The following ANKS1B variants were observed in gnomAD, a reference collection of about 807,000 sequenced individuals.
ANKS1B encodes the protein ankyrin repeat and sterile alpha motif domain-containing protein 1B.
Under a neutral mutation model 148.3 loss-of-function variants are expected in ANKS1B, and 36 were observed. The observed-to-expected ratio is 0.24, with a 90% CI of 0.19 to 0.32. ANKS1B has a LOEUF of 0.32. Ranked by LOEUF, ANKS1B falls within the 10% of genes least tolerant of loss-of-function variation. The probability of loss-of-function intolerance (pLI) is 1.00; values close to 1 mark genes in which losing one functional copy is unlikely to be tolerated. For missense variants in ANKS1B, 1,157 were observed against 1,542.6 expected (o/e 0.75, Z 4.19); for synonymous variants, 542 against 560.8 (o/e 0.97, Z 0.47).
chr12:99,491,733 T>C (rs2096557491), intron 10 of ANKS1B, among the ~76,000 whole-genome samples: 1 of 152,164 alleles, frequency 6.6e-6, no homozygotes, highest in Non-Finnish European at 1.5e-5. Flanking sequence ...GATTACAGCC[T>C]CTAGCTCCAA....
chr12:99,051,455 T>C (rs2099966012), intron 17 of ANKS1B, among the ~76,000 whole-genome samples: 1 of 152,204 alleles, frequency 6.6e-6, no homozygotes, highest in Non-Finnish European at 1.5e-5. Context: ...CATTAACTAA[T>C]TAACTGGGAT....
At chr12:98,986,978 G>T (rs935810763) in intron 17 of ANKS1B, among the ~76,000 whole-genome samples, 1 of 151,856 alleles carries the variant, frequency 6.6e-6, no homozygotes, top group African/African-American at 2.4e-5. Context: ...TTTTACCTGG[G>T]CCATTCTTAA....
In ANKS1B at chr12:98,845,975, T is replaced by TAC. The variant is rs2099460474; in HGVS notation, c.2779-13840_2779-13839insGT. Among the ~76,000 whole-genome samples the TAC allele has an allele frequency of 4.1e-5, 4 of 98,602 alleles. No individual in the cohort carries two copies. The South Asian group carries it at 1.2e-3, about 30-fold the overall frequency. 64.7% of individuals were successfully genotyped at this position (98,602 alleles called of 152,430 possible). A position where few individuals can be genotyped will look rare whatever the true frequency, so the allele number is the denominator to read the frequency against. On this transcript the variant is annotated intron_variant, in intron 17 of 26. Transcript: ENST00000683438. ...CTTATTAGAATTCTTCATATATATA[T>TAC]ATATACACACACACACACACACACA...
chr12:98,972,442 T>C (rs1438270987), intron 17 of ANKS1B, among the ~76,000 whole-genome samples: 1 of 152,188 alleles, frequency 6.6e-6, no homozygotes, highest in Non-Finnish European at 1.5e-5. Context: ...CGTTTAACTC[T>C]CTTAACACCA....
chr12:98,780,322 G>A (rs1220075973), intron 24 of ANKS1B, among the ~76,000 whole-genome samples: 2 of 152,330 alleles, frequency 1.3e-5, no homozygotes, highest in African/African-American at 2.4e-5. Flanking sequence ...ACACATGAAC[G>A]TTTGGGGTTT....
intron 14 of ANKS1B, among the ~76,000 whole-genome samples, chr12:99,234,770 T>A (rs1201724129): frequency 1.3e-5 from 2 of 152,112 alleles, no homozygotes; most frequent in East Asian, 3.9e-4. Context: ...TGACTTTTTT[T>A]TTTTTTACCA....
chr12:99,801,063 C>T (rs75219876), intron 4 of ANKS1B, among the ~76,000 whole-genome samples: 1 of 152,102 alleles, frequency 6.6e-6, no homozygotes, highest in Admixed American at 6.6e-5. Flanking sequence ...TGACTTTGTA[C>T]TTCTTTCCAC....
At position 99,812,253 on chromosome 12, in the gene ANKS1B, C is replaced by T. The variant is rs2068466161; in HGVS notation, c.274G>A (p.Gly92Arg). ...GCAGCCAGGTGAATAGGAAAATACCCTTTGTTGTCTGCTACATTTGTTGAT... is the reference window on the plus strand; with the variant it reads ...GCAGCCAGGTGAATAGGAAAATACCTTTTGTTGTCTGCTACATTTGTTGAT... ...EASTNVADNK[G>R]YFPIHLAAWK... The change falls in exon 3 of 27, where the codon GGG becomes AGG. Residue 92 changes from glycine (G) to arginine (R), a missense_variant. Gly to Arg is a moderately radical substitution (Grantham distance 125). Coordinates refer to ENST00000683438, the MANE Select transcript of ANKS1B (RefSeq NM_001352186.2). 1 of 1,611,828 alleles carries T rather than the reference C, an allele frequency of 6.2e-7. No individual in the cohort carries two copies. Among genetic ancestry groups the T allele is most frequent in the African/African-American group, 1.3e-5 (1 of 74,858 alleles).
intron 14 of ANKS1B, among the ~76,000 whole-genome samples, chr12:99,175,135 A>C (rs2078238918): frequency 6.6e-6 from 1 of 152,232 alleles, no homozygotes; most frequent in East Asian, 1.9e-4. Context: ...TTAAAATAAT[A>C]TAGAGACAAA....
intron 16 of ANKS1B, among the ~76,000 whole-genome samples, chr12:99,071,364 C>T (rs937799795): frequency 6.6e-6 from 1 of 152,184 alleles, no homozygotes; most frequent in African/African-American, 2.4e-5. Flanking sequence ...TAAGTTAGCA[C>T]TTATTTCAAT....
intron 17 of ANKS1B, among the ~76,000 whole-genome samples, chr12:99,000,562 C>T (rs1376331429): frequency 2.0e-5 from 3 of 152,220 alleles, no homozygotes; most frequent in Non-Finnish European, 4.4e-5. Context: ...AGCCACCGTG[C>T]TCGGCCAGGG....
chr12:99,034,516 A>G (rs1039253423), intron 17 of ANKS1B, among the ~76,000 whole-genome samples: 2 of 152,056 alleles, frequency 1.3e-5, no homozygotes, highest in East Asian at 1.9e-4. Context: ...GGGTTTCGCC[A>G]TGTTGCCCAG....
chr12:99,606,703 G>C (rs1393096169), intron 9 of ANKS1B, among the ~76,000 whole-genome samples: 1 of 151,980 alleles, frequency 6.6e-6, no homozygotes, highest in Non-Finnish European at 1.5e-5. Context: ...TTACCAAAAA[G>C]AATTTTTAAA....
intron 14 of ANKS1B, among the ~76,000 whole-genome samples, chr12:99,190,811 A>C (rs984851073): frequency 1.8e-4 from 27 of 152,156 alleles, no homozygotes; most frequent in Non-Finnish European, 3.4e-4. Context: ...AAAACACCAA[A>C]AGCAACAGCA....
At chr12:98,933,254 G>A (rs188243990) in intron 17 of ANKS1B, among the ~76,000 whole-genome samples, 16 of 152,248 alleles carry the variant, frequency 1.1e-4, no homozygotes, top group Non-Finnish European at 1.5e-4. Context: ...GAATTTCTGC[G>A]ACTAACTTAC....
At chr12:99,888,924 T>C (rs2092958256) in intron 1 of ANKS1B, among the ~76,000 whole-genome samples, 1 of 150,170 alleles carries the variant, frequency 6.7e-6, no homozygotes, top group Non-Finnish European at 1.5e-5. Flanking sequence ...TCTGATCTCT[T>C]AACCCTAAAA....
chr12:99,322,593 C>T (rs1383825396), intron 12 of ANKS1B, among the ~76,000 whole-genome samples: 1 of 152,160 alleles, frequency 6.6e-6, no homozygotes, highest in Non-Finnish European at 1.5e-5. Context: ...CACCTGCCTG[C>T]ATCTACTTTT....
chr12:99,649,214 T>C (rs542799604), intron 9 of ANKS1B: 3 of 1,157,866 alleles, frequency 2.6e-6, no homozygotes, highest in African/African-American at 3.0e-5. Flanking sequence ...TAATTTCTTT[T>C]TGTTGTTTAC....
chr12:98,896,961 T>C (rs2099765553), intron 17 of ANKS1B, among the ~76,000 whole-genome samples: 1 of 152,242 alleles, frequency 6.6e-6, no homozygotes, highest in Admixed American at 6.5e-5. Flanking sequence ...CTCAAAGAGC[T>C]GTCATTTCTT....
Sources: allele counts gnomAD v4.1 joint callset (sites outside exome capture counted in the v4.1 genomes callset), GRCh38; gene constraint gnomAD v4.1.1; transcripts MANE v1.5; gene names NCBI Gene and HGNC (gene_info 2026-07-23, HGNC 2026-07-21).